Variants in CNOT10 observed in about 807,000 individuals in gnomAD.
CNOT10 encodes the protein CCR4-NOT transcription complex subunit 10.
A neutral mutation model predicts 94.6 loss-of-function variants in CNOT10; 30 were observed. The ratio of observed to expected loss-of-function variants is 0.32; its 90% CI spans 0.24 to 0.43. The LOEUF (loss-of-function observed/expected upper bound fraction) is 0.43. Among genes scored for constraint, CNOT10 ranks in the 20% least tolerant of loss-of-function variants. The probability of loss-of-function intolerance (pLI) is 1.00; values close to 1 mark genes in which losing one functional copy is unlikely to be tolerated. For missense variants in CNOT10, 759 were observed against 877.2 expected (o/e 0.87, Z 1.70); for synonymous variants, 289 against 301.6 (o/e 0.96, Z 0.43).
chr3:32,699,359 A>G (rs1418491739), intron 1 of CNOT10, among the ~76,000 whole-genome samples: 1 of 152,208 alleles, frequency 6.6e-6, no homozygotes, highest in Non-Finnish European at 1.5e-5. Flanking sequence ...GTGCCATTGT[A>G]TTCCTATACC....
chr3:32,739,921 G>A (rs1259854094), intron 13 of CNOT10, among the ~76,000 whole-genome samples: 47 of 152,128 alleles, frequency 3.1e-4, no homozygotes, highest in Non-Finnish European at 1.2e-4. Context: ...GTGAAACTCC[G>A]TCTCGAAAGA....
At position 32,773,593 on chromosome 3, in the gene CNOT10, C is replaced by T. The variant is rs777484936; in HGVS notation, c.2217C>T (p.Thr739=). Residue 739 remains threonine, a synonymous_variant, in exon 19 of 19, where the codon ACC becomes ACT. Coordinates refer to ENST00000328834, the MANE Select transcript of CNOT10 (RefSeq NM_015442.3). Reference sequence around the variant, plus strand: ...AGCCCATCCAAATGCCGGCTTTCACCACTGTGCAGAGAAAGTGATACTTCA... The same window carrying T: ...AGCCCATCCAAATGCCGGCTTTCACTACTGTGCAGAGAAAGTGATACTTCA... ...PIQPIQMPAF[T]TVQRK 8 of 1,613,454 alleles carry T rather than the reference C, an allele frequency of 5.0e-6. No homozygotes were observed. The highest frequency in any genetic ancestry group is 1.3e-5 in the African/African-American group (1 of 75,004).
chr3:32,736,214 T>G (rs911702237), intron 12 of CNOT10, among the ~76,000 whole-genome samples: 8 of 152,104 alleles, frequency 5.3e-5, no homozygotes, highest in Non-Finnish European at 1.2e-4. Context: ...ACCCCCTAAA[T>G]AGCTGGGATT....
chr3:32,748,248 A>G (rs1424413570), intron 13 of CNOT10, among the ~76,000 whole-genome samples: 1 of 152,146 alleles, frequency 6.6e-6, no homozygotes, highest in Non-Finnish European at 1.5e-5. Context: ...CATGATTTTT[A>G]CGTGTGTGAA....
At chr3:32,701,729 G>C (rs1481820340) in intron 1 of CNOT10, among the ~76,000 whole-genome samples, 1 of 152,172 alleles carries the variant, frequency 6.6e-6, no homozygotes, top group Non-Finnish European at 1.5e-5. Flanking sequence ...TTTCTGTACA[G>C]CCTGTGGAAC....
Position 32,716,253 on chromosome 3 carries a change from C to G in CNOT10, c.602C>G (p.Ser201Cys). 6.2e-7 allele frequency: 1 copy of G among 1,600,844 alleles called. No homozygotes were observed. The highest frequency in any genetic ancestry group is 8.5e-7 in the Non-Finnish European group (1 of 1,172,592). ...ETGNNNNKDG[S>C]NHKAESGALI... is the part of the protein sequence containing the mutation. ...GGTAATAACAACAACAAAGATGGAT[C>G]TAATCATAAAGCTGAAAGTGGAGCT... Residue 201 changes from serine (S) to cysteine (C), a missense_variant, in exon 6 of 19, where the codon TCT (serine) becomes TGT (cysteine). Around this residue, in one of 3 missense-constraint regions of CNOT10, gnomAD observed 682 missense variants for 799.4 expected, o/e 0.85. Coordinates refer to ENST00000328834, the MANE Select transcript of CNOT10 (RefSeq NM_015442.3).
At chr3:32,711,242 A>G (rs1224501390) in intron 4 of CNOT10, among the ~76,000 whole-genome samples, 1 of 152,208 alleles carries the variant, frequency 6.6e-6, no homozygotes, top group African/African-American at 2.4e-5. Context: ...TCAGATACCA[A>G]AATCTGCTGA....
At chr3:32,691,981 C>A in intron 1 of CNOT10, among the ~76,000 whole-genome samples, 1 of 146,476 alleles carries the variant, frequency 6.8e-6, no homozygotes, top group Non-Finnish European at 1.5e-5. Context: ...GCCTGGGAGG[C>A]AGAGGTTGCA....
intron 1 of CNOT10, among the ~76,000 whole-genome samples, chr3:32,694,978 G>A (rs1033946135): frequency 6.6e-6 from 1 of 152,098 alleles, no homozygotes; most frequent in African/African-American, 2.4e-5. Context: ...TCCTGCCCTG[G>A]CCTCCCAAAG....
At chr3:32,687,454 T>TTTTTTG (rs1450965913) in intron 1 of CNOT10, among the ~76,000 whole-genome samples, 2,550 of 45,826 alleles carry the variant, frequency 0.056, 96 homozygotes, top group Middle Eastern at 0.09. Flanking sequence ...TTTTTTTTGT[T>TTTTTTG]TTTTTTTTTT....
chr3:32,718,988 C>T (rs1244384026), intron 7 of CNOT10, among the ~76,000 whole-genome samples: 4 of 152,088 alleles, frequency 2.6e-5, no homozygotes, highest in South Asian at 2.1e-4. Context: ...TGGTGGCTCA[C>T]GCCTGTAATC....
intron 9 of CNOT10, among the ~76,000 whole-genome samples, chr3:32,726,697 A>C (rs887813549): frequency 4.9e-5 from 1 of 20,412 alleles, no homozygotes; most frequent in African/African-American, 8.1e-5. Context: ...CTCTGTCCAT[A>C]ATAATAATAA....
At chr3:32,689,597 G>C (rs531503344) in intron 1 of CNOT10, among the ~76,000 whole-genome samples, 2 of 152,088 alleles carry the variant, frequency 1.3e-5, no homozygotes, top group South Asian at 2.1e-4. Flanking sequence ...CAAGCTCCCC[G>C]AAGATAGAGA....
chr3:32,685,509 A>G, intron 1 of CNOT10, 27 bp downstream of exon 1: 2 of 1,549,656 alleles, frequency 1.3e-6, no homozygotes, highest in Non-Finnish European at 1.7e-6. Flanking sequence ...CCGAGCGACG[A>G]GACGGCGGGA....
intron 3 of CNOT10, 26 bp downstream of exon 3, chr3:32,704,998 A>T: frequency 7.1e-7 from 1 of 1,407,976 alleles, no homozygotes; most frequent in Non-Finnish European, 9.5e-7. Flanking sequence ...ATTTAACTAT[A>T]AAAAATATTG....
rs759652990 is a variant in CNOT10, at chr3:32,725,522, G to C, written c.935G>C (p.Gly312Ala). ...TTTGCCATGAGCAAGCACAATTTGG[G>C]AATATTCTACTTTAAAAAGGCTCTG... ...IHFAMSKHNL[G>A]IFYFKKALQE... Residue 312 changes from glycine to alanine, a missense_variant, in exon 9 of 19, where the codon GGA (glycine) becomes GCA (alanine). Coordinates refer to ENST00000328834, the MANE Select transcript of CNOT10 (RefSeq NM_015442.3). 10 of 1,613,860 alleles carry C rather than the reference G, an allele frequency of 6.2e-6. No individual in the cohort carries two copies. Among genetic ancestry groups the C allele is most frequent in the Admixed American group, 1.7e-5 (1 of 60,010 alleles).
intron 4 of CNOT10, among the ~76,000 whole-genome samples, chr3:32,709,185 C>T (rs1462713037): frequency 6.6e-6 from 1 of 152,078 alleles, no homozygotes; most frequent in African/African-American, 2.4e-5. Context: ...TCATTTTTGC[C>T]CTTTGCCTTA....
chr3:32,709,994 A>G (rs1049014321), intron 4 of CNOT10, among the ~76,000 whole-genome samples: 1 of 151,994 alleles, frequency 6.6e-6, no homozygotes, highest in Admixed American at 6.6e-5. Flanking sequence ...TAAAAATACA[A>G]AATTAGCCAG....
intron 1 of CNOT10, among the ~76,000 whole-genome samples, chr3:32,694,917 A>G (rs1372027071): frequency 6.6e-6 from 1 of 151,792 alleles, no homozygotes; most frequent in African/African-American, 2.4e-5. Context: ...TAGAGATGGG[A>G]TTTCACCATG....
Sources: allele counts gnomAD v4.1 joint callset (sites outside exome capture counted in the v4.1 genomes callset), GRCh38; gene constraint gnomAD v4.1.1; regional missense constraint gnomAD v4.1.1; transcripts MANE v1.5; gene names NCBI Gene and HGNC (gene_info 2026-07-23, HGNC 2026-07-21).